The following SLIT2 variants were observed in gnomAD, a reference collection of about 807,000 sequenced individuals.
SLIT2 encodes the protein slit homolog 2 protein.
Under a neutral mutation model 185.7 loss-of-function variants are expected in SLIT2, and 41 were observed. The ratio of observed to expected loss-of-function variants is 0.22; its 90% CI spans 0.17 to 0.29. The LOEUF (loss-of-function observed/expected upper bound fraction) is 0.29. SLIT2 is among the 10% of genes least tolerant of loss of function. SLIT2 has a pLI of 1.00. For missense variants in SLIT2, 1,571 were observed against 1,909.0 expected (o/e 0.82, Z 3.30); for synonymous variants, 693 against 680.2 (o/e 1.02, Z -0.29).
chr4:20,424,259 A>G (rs1728381091), intron 4 of SLIT2, among the ~76,000 whole-genome samples: 2 of 152,228 alleles, frequency 1.3e-5, no homozygotes, highest in East Asian at 1.9e-4. Flanking sequence ...TGAAAATGAC[A>G]AAGTTTTATT....
chr4:20,476,261 G>A (rs994553116), intron 5 of SLIT2, among the ~76,000 whole-genome samples: 7 of 152,202 alleles, frequency 4.6e-5, no homozygotes, highest in East Asian at 1.9e-4. Context: ...AAGGAGAAGA[G>A]ACCACGCTCA....
At chr4:20,277,137 T>G (rs1365876369) in intron 4 of SLIT2, among the ~76,000 whole-genome samples, 1 of 152,170 alleles carries the variant, frequency 6.6e-6, no homozygotes, top group East Asian at 1.9e-4. Context: ...TATAATAGGC[T>G]GTGCTGTCAG....
chr4:20,559,823 T>G (rs1194571911), intron 26 of SLIT2, among the ~76,000 whole-genome samples: 1 of 151,970 alleles, frequency 6.6e-6, no homozygotes, highest in African/African-American at 2.4e-5. Flanking sequence ...AAGTTTTTAA[T>G]AAAAGTATTT....
intron 4 of SLIT2, among the ~76,000 whole-genome samples, chr4:20,416,827 T>G (rs975769268): frequency 1.3e-5 from 2 of 152,352 alleles, no homozygotes; most frequent in Non-Finnish European, 2.9e-5. Flanking sequence ...TCAATTCACA[T>G]TAGCCTCAAT....
At chr4:20,468,863 T>C (rs7691309) in intron 5 of SLIT2, among the ~76,000 whole-genome samples, 28,254 of 151,034 alleles carry the variant, frequency 0.19, 2,903 homozygotes, top group Non-Finnish European at 0.23. Flanking sequence ...TTTTTTTTTT[T>C]CAGTAGCAAA....
intron 4 of SLIT2, among the ~76,000 whole-genome samples, chr4:20,358,138 T>A (rs1028581878): frequency 3.9e-5 from 6 of 152,130 alleles, no homozygotes; most frequent in African/African-American, 1.4e-4. Flanking sequence ...ACCTATCCCT[T>A]CATGTTCTCT....
At chr4:20,305,584 C>A (rs542233154) in intron 4 of SLIT2, among the ~76,000 whole-genome samples, 2 of 152,002 alleles carry the variant, frequency 1.3e-5, no homozygotes, top group African/African-American at 4.8e-5. Flanking sequence ...TGTAATTAAG[C>A]AATCCTGACC....
intron 4 of SLIT2, among the ~76,000 whole-genome samples, chr4:20,279,483 T>C (rs1714510604): frequency 6.6e-6 from 1 of 152,200 alleles, no homozygotes; most frequent in Admixed American, 6.5e-5. Context: ...TACCTCCACA[T>C]GATCATTCAT....
Position 20,600,625 on chromosome 4 carries a change from C to T in SLIT2, c.3692+2230C>T, listed in dbSNP as rs536770075. On this transcript the variant is annotated intron_variant, in intron 33 of 36. Transcript: ENST00000504154. ...ATTTTTAGTAAAGACGTGGTTTCAC[C>T]GTGTTAGCCAGGATGGACTCGATCT... 5.9e-5 allele frequency among the ~76,000 whole-genome samples: 9 copies of T among 151,656 alleles called. No homozygotes were observed. In the East Asian group the frequency reaches 1.6e-3, roughly 26 times the overall value.
chr4:20,598,754 A>G (rs1417337904), intron 33 of SLIT2, among the ~76,000 whole-genome samples: 2 of 152,198 alleles, frequency 1.3e-5, no homozygotes, highest in African/African-American at 4.8e-5. Flanking sequence ...CTTGCCTGCC[A>G]GAAGCCTCGA....
chr4:20,570,746 T>TATATATATATGTAC (rs1432039312), intron 29 of SLIT2, among the ~76,000 whole-genome samples: 1 of 144,704 alleles, frequency 6.9e-6, no homozygotes, highest in African/African-American at 2.5e-5. Flanking sequence ...TATATATATA[T>TATATATATATGTAC]ATATATATAT....
chr4:20,313,842 C>T (rs1718341213), intron 4 of SLIT2, among the ~76,000 whole-genome samples: 1 of 152,168 alleles, frequency 6.6e-6, no homozygotes, highest in African/African-American at 2.4e-5. Context: ...GGCGGCAATG[C>T]TCACTTGCCT....
chr4:20,315,531 T>C (rs980550709), intron 4 of SLIT2, among the ~76,000 whole-genome samples: 1 of 152,084 alleles, frequency 6.6e-6, no homozygotes, highest in African/African-American at 2.4e-5. Flanking sequence ...TGTATCAAAT[T>C]GTAAATATTT....
chr4:20,306,212 G>A (rs1205086463), intron 4 of SLIT2, among the ~76,000 whole-genome samples: 1 of 152,116 alleles, frequency 6.6e-6, no homozygotes, highest in East Asian at 1.9e-4. Flanking sequence ...GGAGAAAGGG[G>A]ACTGGTCAGT....
At chr4:20,565,078 A>G (rs771372065) in intron 26 of SLIT2, among the ~76,000 whole-genome samples, 7 of 151,950 alleles carry the variant, frequency 4.6e-5, no homozygotes, top group Non-Finnish European at 7.4e-5. Flanking sequence ...CCCTAAGACA[A>G]TCTCTTTAAT....
chr4:20,328,295 G>C (rs1719763279), intron 4 of SLIT2, among the ~76,000 whole-genome samples: 2 of 152,082 alleles, frequency 1.3e-5, no homozygotes, highest in Admixed American at 1.3e-4. Context: ...GCTAAGGCTT[G>C]AATTTGAACC....
intron 4 of SLIT2, among the ~76,000 whole-genome samples, chr4:20,431,673 C>T (rs548191311): frequency 4.0e-5 from 6 of 151,886 alleles, no homozygotes; most frequent in South Asian, 2.1e-4. Flanking sequence ...ACAAGACTTG[C>T]GAGAGTTCTT....
intron 4 of SLIT2, among the ~76,000 whole-genome samples, chr4:20,305,803 G>A (rs1717484892): frequency 6.6e-6 from 1 of 151,352 alleles, no homozygotes; most frequent in Non-Finnish European, 1.5e-5. Context: ...AACCTGGGAG[G>A]CAGAGGTTGC....
At chr4:20,291,353 C>G (rs937002046) in intron 4 of SLIT2, among the ~76,000 whole-genome samples, 3 of 149,698 alleles carry the variant, frequency 2.0e-5, no homozygotes, top group African/African-American at 4.9e-5. Context: ...AGATTGCACA[C>G]TACATACGAG....
Sources: allele counts gnomAD v4.1 joint callset (sites outside exome capture counted in the v4.1 genomes callset), GRCh38; gene constraint gnomAD v4.1.1; transcripts MANE v1.5; gene names NCBI Gene and HGNC (gene_info 2026-07-23, HGNC 2026-07-21).